The following COL22A1 variants were observed in gnomAD, a reference collection of about 807,000 sequenced individuals.
The protein encoded by COL22A1 is collagen alpha-1(XXII) chain.
In COL22A1, 221 loss-of-function variants were observed where a neutral mutation model predicts 248.9. The ratio of observed to expected loss-of-function variants is 0.89; its 90% CI spans 0.80 to 0.99. The LOEUF (loss-of-function observed/expected upper bound fraction) is 0.99, where lower values mean the gene tolerates loss of function less well. COL22A1 is among the 50% of genes least tolerant of loss of function. The probability of loss-of-function intolerance (pLI) is 0.00; values close to 1 mark genes in which losing one functional copy is unlikely to be tolerated. For synonymous variants in COL22A1, 891 were observed against 793.4 expected (o/e 1.12, Z -2.07); for missense variants, 2,240 against 2,179.0 (o/e 1.03, Z -0.56).
chr8:138,792,855 G>A (rs1478957709), intron 12 of COL22A1, among the ~76,000 whole-genome samples: 1 of 152,158 alleles, frequency 6.6e-6, no homozygotes, highest in Non-Finnish European at 1.5e-5. Context: ...CAGCTCTGCA[G>A]CTTCCCGTCA....
At chr8:138,680,657 C>T (rs528339801) in intron 39 of COL22A1, among the ~76,000 whole-genome samples, 30 of 152,236 alleles carry the variant, frequency 2.0e-4, no homozygotes, top group African/African-American at 7.0e-4. Context: ...GTGGATGTCA[C>T]CCTCTCTAGG....
chr8:138,774,579 C>T (rs975822071), intron 16 of COL22A1, among the ~76,000 whole-genome samples: 27 of 152,032 alleles, frequency 1.8e-4, no homozygotes, highest in Middle Eastern at 3.4e-3. Flanking sequence ...CCACCAAGCC[C>T]GGCTAATTTT....
chr8:138,636,909 A>G (rs1821228842), intron 47 of COL22A1, 114 bp from the exon 48 acceptor site: 2 of 907,052 alleles, frequency 2.2e-6, no homozygotes, highest in South Asian at 2.8e-5. Context: ...ATCTCTTATC[A>G]AGTTCCTGTG....
Position 138,755,494 on chromosome 8 carries a change from C to G in COL22A1, c.1965G>C (p.Leu655Phe). The change falls in exon 20 of 65, where the codon TTG becomes TTC. Residue 655 changes from leucine (L) to phenylalanine (F), a missense_variant. Transcript: ENST00000303045. ...GTGTGCCTCTTACCTGTTCCCCTTT[C>G]AAGCCCTCTTGCTGCACCTGAGAGA... ...VPGSVVQQEG[L>F]KGEQGAPGPR... 6.2e-7 allele frequency: 1 copy of G among 1,614,162 alleles called. No homozygotes were observed. The highest frequency in any genetic ancestry group is 8.5e-7 in the Non-Finnish European group (1 of 1,179,992).
At chr8:138,768,448 G>A (rs528478042) in intron 16 of COL22A1, among the ~76,000 whole-genome samples, 13 of 152,332 alleles carry the variant, frequency 8.5e-5, no homozygotes, top group South Asian at 4.1e-4. Flanking sequence ...GTGGAAGGGC[G>A]TGCACTGTGG....
intron 30 of COL22A1, among the ~76,000 whole-genome samples, chr8:138,705,479 A>G (rs1828351029): frequency 6.6e-6 from 1 of 152,230 alleles, no homozygotes; most frequent in Non-Finnish European, 1.5e-5. Context: ...CCAATATTCA[A>G]CATTCTTAAA....
chr8:138,684,280 T>G, intron 39 of COL22A1, 145 bp downstream of exon 39: 1 of 702,744 alleles, frequency 1.4e-6, no homozygotes, highest in Middle Eastern at 2.5e-4. Context: ...AAAAAAGTCC[T>G]AGAACCTTTA....
At chr8:138,681,232 C>T (rs1825937644) in intron 39 of COL22A1, among the ~76,000 whole-genome samples, 1 of 152,094 alleles carries the variant, frequency 6.6e-6, no homozygotes, top group African/African-American at 2.4e-5. Flanking sequence ...TAACTGTGAC[C>T]GGCACTATGC....
intron 3 of COL22A1, among the ~76,000 whole-genome samples, chr8:138,869,462 C>T (rs1201685015): frequency 2.0e-5 from 3 of 152,118 alleles, no homozygotes; most frequent in Non-Finnish European, 4.4e-5. Context: ...AAGCTCGTTG[C>T]TTCTAATACA....
intron 47 of COL22A1, among the ~76,000 whole-genome samples, chr8:138,642,759 G>T (rs776881843): frequency 6.6e-6 from 1 of 152,144 alleles, no homozygotes; most frequent in African/African-American, 2.4e-5. Flanking sequence ...AGCCGGGTGC[G>T]GTGGCTCATG....
intron 43 of COL22A1, among the ~76,000 whole-genome samples, chr8:138,661,694 C>A (rs979875313): frequency 2.0e-5 from 3 of 152,140 alleles, no homozygotes; most frequent in Non-Finnish European, 4.4e-5. Context: ...AGGGGCAAGT[C>A]CCTGGAGAAG....
intron 59 of COL22A1, among the ~76,000 whole-genome samples, chr8:138,602,961 C>G (rs1818153762): frequency 6.6e-6 from 1 of 152,210 alleles, no homozygotes; most frequent in Admixed American, 6.5e-5. Flanking sequence ...GTCTGCCTGC[C>G]TCTTAGACAG....
At position 138,818,669 on chromosome 8, in the gene COL22A1, C is replaced by G. The variant is rs1040342238; in HGVS notation, c.1245+2467G>C. On this transcript the variant is annotated intron_variant, in intron 7 of 64. Coordinates refer to ENST00000303045, the MANE Select transcript of COL22A1 (RefSeq NM_152888.3). The stretch of plus-strand genomic sequence containing the variant: ...TGAGGATGTCCACTCTATCTACTTT[C>G]TGAAGTTGTAAAGATTTTGGTCAGA... Among the ~76,000 whole-genome samples the G allele has an allele frequency of 3.3e-5, 5 of 152,200 alleles. No homozygotes were observed. In the East Asian group the frequency reaches 9.6e-4, roughly 29 times the overall value.
intron 3 of COL22A1, among the ~76,000 whole-genome samples, chr8:138,858,485 A>AT (rs1171198178): frequency 4.0e-5 from 6 of 151,882 alleles, no homozygotes; most frequent in Admixed American, 3.9e-4. Flanking sequence ...GGCTCAAGTG[A>AT]TCCCCCCACC....
chr8:138,835,103 G>C (rs1820331940), intron 4 of COL22A1, among the ~76,000 whole-genome samples: 1 of 152,184 alleles, frequency 6.6e-6, no homozygotes, highest in Non-Finnish European at 1.5e-5. Context: ...GTCTGGGAAG[G>C]GGGTTCTGAG....
At chr8:138,906,190 G>T (rs1814995270) in intron 1 of COL22A1, among the ~76,000 whole-genome samples, 1 of 152,118 alleles carries the variant, frequency 6.6e-6, no homozygotes, top group Non-Finnish European at 1.5e-5. Context: ...CTGACACGGT[G>T]AAACCCCGTC....
At chr8:138,697,403 T>G (rs1381437986) in intron 32 of COL22A1, among the ~76,000 whole-genome samples, 1 of 152,204 alleles carries the variant, frequency 6.6e-6, no homozygotes, top group Non-Finnish European at 1.5e-5. Context: ...GAACAACTGA[T>G]GAGCCTCCAG....
rs118110046 is a variant in COL22A1, at chr8:138,863,630, C to T, written c.658+14120G>A. 1.1e-3 allele frequency among the ~76,000 whole-genome samples: 164 copies of T among 152,258 alleles called. 4 individuals carry two copies. The East Asian group carries it at 0.026, about 24-fold the overall frequency. ...GGCTGCCAGGAAGGAGGGGTGAGAA[C>T]GCAACGCGGAAGTGGGTGCGGGGAG... On this transcript the variant is annotated intron_variant, in intron 3 of 64. Coordinates refer to ENST00000303045, the MANE Select transcript of COL22A1 (RefSeq NM_152888.3).
At chr8:138,902,824 G>A (rs1270997185) in intron 1 of COL22A1, among the ~76,000 whole-genome samples, 10 of 150,906 alleles carry the variant, frequency 6.6e-5, no homozygotes, top group Middle Eastern at 3.4e-3. Context: ...GCCTGAGAGC[G>A]GACAGGAAGT....
Sources: gnomAD v4.1 joint callset for allele counts (sites outside exome capture counted in the v4.1 genomes callset) on GRCh38, gnomAD v4.1.1 for gene constraint, MANE v1.5 for transcripts, NCBI Gene and HGNC (gene_info 2026-07-23, HGNC 2026-07-21) for gene names.